DOP1B: variants seen among roughly 807,000 people sequenced by gnomAD.
The protein encoded by DOP1B is protein DOP1B.
In DOP1B, 174 loss-of-function variants were observed where a neutral mutation model predicts 233.5. The ratio of observed to expected loss-of-function variants is 0.75; its 90% CI spans 0.66 to 0.85. The LOEUF (loss-of-function observed/expected upper bound fraction) is 0.85, where lower values mean the gene tolerates loss of function less well. Ranked by LOEUF, DOP1B falls within the 40% of genes least tolerant of loss-of-function variation. The pLI is 0.00. For missense variants in DOP1B, 2,652 were observed against 2,846.6 expected (o/e 0.93, Z 1.56); for synonymous variants, 1,190 against 1,185.6 (o/e 1.00, Z -0.08).
At chr21:36,199,304 T>G (rs2066331023) in intron 3 of DOP1B, 53 bp downstream of exon 3, 1 of 1,563,820 alleles carries the variant, frequency 6.4e-7, no homozygotes, top group Admixed American at 1.9e-5. Flanking sequence ...AACCGGTATT[T>G]CAGCTCACAA....
intron 35 of DOP1B, 38 bp downstream of exon 35, chr21:36,289,244 GA>G: frequency 6.3e-7 from 1 of 1,594,698 alleles, no homozygotes; most frequent in Non-Finnish European, 8.5e-7. Flanking sequence ...TTTGAAGTAA[GA>G]GATTTTGTTT....
chr21:36,211,540 T>C lies in DOP1B; in HGVS notation c.682-13T>C. On this transcript the variant is annotated splice_polypyrimidine_tract_variant and intron_variant, in intron 5 of 36. Coordinates refer to ENST00000691173, the MANE Select transcript of DOP1B (RefSeq NM_001320714.2). ...GTAGCCTGAAAATGCTAGTGCCGTT[T>C]GATCGTTTACAGGTGAAGTCTTTGC... The C allele has an allele frequency of 6.2e-7, 1 of 1,613,044 alleles. No homozygotes were observed.
At position 36,252,034 on chromosome 21, in the gene DOP1B, G is replaced by A. The variant is rs539490789; in HGVS notation, c.5121+750G>A. Among the ~76,000 whole-genome samples the A allele has an allele frequency of 3.9e-5, 6 of 152,086 alleles. No individual in the cohort carries two copies. In the South Asian group the frequency reaches 6.2e-4, roughly 16 times the overall value. On this transcript the variant is annotated intron_variant, in intron 22 of 36. Coordinates refer to ENST00000691173, the MANE Select transcript of DOP1B (RefSeq NM_001320714.2). ...TGGGCAATATGGCAAAAAATTAGCCGGGCGTGGTGTTGTGCACCTATAGTC... is the reference window on the plus strand; with the variant it reads ...TGGGCAATATGGCAAAAAATTAGCCAGGCGTGGTGTTGTGCACCTATAGTC...
At chr21:36,181,774 TGAA>T (rs2066101360) in intron 2 of DOP1B, among the ~76,000 whole-genome samples, 2 of 152,222 alleles carry the variant, frequency 1.3e-5, no homozygotes, top group Admixed American at 6.5e-5. Flanking sequence ...CAGCCCTAAC[TGAA>T]GAAGAAGGGA....
intron 16 of DOP1B, among the ~76,000 whole-genome samples, chr21:36,238,162 G>C (rs139045223): frequency 6.6e-6 from 1 of 152,140 alleles, no homozygotes; most frequent in African/African-American, 2.4e-5. Flanking sequence ...GCAAGACTCC[G>C]TCTCAAAAAA....
chr21:36,281,152 C>T (rs537878274), intron 31 of DOP1B, among the ~76,000 whole-genome samples: 12 of 151,968 alleles, frequency 7.9e-5, no homozygotes, highest in East Asian at 1.9e-4. Context: ...AAAAATTAAC[C>T]AGGCACTGTG....
chr21:36,290,938 C>G (rs1196470991), intron 35 of DOP1B, among the ~76,000 whole-genome samples: 1 of 151,810 alleles, frequency 6.6e-6, no homozygotes, highest in Non-Finnish European at 1.5e-5. Flanking sequence ...CCACTGCACT[C>G]CAGCCTAGGC....
chr21:36,242,151 C>CATTATTGTTGTTGTTATTATTATT (rs60892353), intron 18 of DOP1B, among the ~76,000 whole-genome samples: 4 of 143,962 alleles, frequency 2.8e-5, no homozygotes, highest in Non-Finnish European at 4.5e-5. Flanking sequence ...GTTCCTTGGG[C>CATTATTGTTGTTGTTATTATTATT]ATTATTATTA....
intron 35 of DOP1B, among the ~76,000 whole-genome samples, chr21:36,290,894 C>T (rs1372301728): frequency 4.0e-5 from 6 of 151,670 alleles, no homozygotes; most frequent in African/African-American, 7.3e-5. Context: ...CACTTGAACC[C>T]GAGAGGCAGA....
At chr21:36,208,451 G>A (rs914810967) in intron 4 of DOP1B, among the ~76,000 whole-genome samples, 2 of 152,164 alleles carry the variant, frequency 1.3e-5, no homozygotes, top group African/African-American at 2.4e-5. Context: ...TGCCACGCAC[G>A]ACTGCTTAGC....
chr21:36,262,203 C>T (rs2067179014), intron 24 of DOP1B, among the ~76,000 whole-genome samples: 1 of 152,210 alleles, frequency 6.6e-6, no homozygotes, highest in Non-Finnish European at 1.5e-5. Context: ...GAGCCGGTCA[C>T]TTCCCTCCTG....
chr21:36,263,583 C>T lies in DOP1B; in HGVS notation c.5353C>T (p.Leu1785=). ...AGCCTTGCAAGAGAACTTTTCTTCA[C>T]TGTTGGGAGTATTGAAAGAGTCTGT... ...VPALQENFSS[L]LGVLKESVQL... The change falls in exon 25 of 37, where the codon CTG becomes TTG. Residue 1785 remains leucine, a synonymous_variant. Transcript: ENST00000691173. 1 of 1,614,212 alleles carries T rather than the reference C, an allele frequency of 6.2e-7. No individual in the cohort carries two copies. The highest frequency in any genetic ancestry group is 1.3e-5 in the African/African-American group (1 of 75,056).
intron 4 of DOP1B, among the ~76,000 whole-genome samples, chr21:36,204,495 C>T (rs1221454039): frequency 6.6e-6 from 1 of 152,100 alleles, no homozygotes; most frequent in Middle Eastern, 3.4e-3. Context: ...CCCACATGAT[C>T]ACATTGAATT....
At chr21:36,226,458 C>A (rs2066683999) in intron 12 of DOP1B, among the ~76,000 whole-genome samples, 1 of 151,894 alleles carries the variant, frequency 6.6e-6, no homozygotes, top group South Asian at 2.1e-4. Context: ...CCACTACGCC[C>A]AGCTAATTTT....
chr21:36,174,298 G>C (rs868744506), intron 2 of DOP1B, among the ~76,000 whole-genome samples: 1 of 152,170 alleles, frequency 6.6e-6, no homozygotes, highest in Non-Finnish European at 1.5e-5. Flanking sequence ...GACCAGCCTT[G>C]CTGACATGGC....
intron 2 of DOP1B, among the ~76,000 whole-genome samples, chr21:36,173,248 A>T (rs1423355344): frequency 1.3e-5 from 2 of 152,090 alleles, no homozygotes; most frequent in East Asian, 3.9e-4. Context: ...TAATGCATAA[A>T]ACTTAGATTT....
chr21:36,259,568 T>C (rs28522737), intron 23 of DOP1B, among the ~76,000 whole-genome samples: 98,521 of 152,078 alleles, frequency 0.65, 33,388 homozygotes, highest in African/African-American at 0.86. Flanking sequence ...CCACCGTGCC[T>C]GGCCTCCTTT....
At chr21:36,248,266 G>C (rs1270577781) in intron 20 of DOP1B, 114 bp from the exon 21 acceptor site, 9 of 1,034,278 alleles carry the variant, frequency 8.7e-6, no homozygotes, top group African/African-American at 8.0e-5. Context: ...TGTATGAGTT[G>C]CTTAGAAGAG....
At chr21:36,289,355 T>G in intron 35 of DOP1B, 149 bp downstream of exon 35, 1 of 805,414 alleles carries the variant, frequency 1.2e-6, no homozygotes, top group Non-Finnish European at 2.0e-6. Flanking sequence ...ATACCAAGTT[T>G]CAGATTACTT....
Sources: gnomAD v4.1 joint callset for allele counts (sites outside exome capture counted in the v4.1 genomes callset) on GRCh38, gnomAD v4.1.1 for gene constraint, MANE v1.5 for transcripts, NCBI Gene and HGNC (gene_info 2026-07-23, HGNC 2026-07-21) for gene names.